CFAP65: variants seen among roughly 807,000 people sequenced by gnomAD.
The protein encoded by CFAP65 is cilia and flagella associated protein 65.
CFAP65 carries 155 observed loss-of-function variants against 208.0 expected under a neutral mutation model. The ratio of observed to expected loss-of-function variants is 0.75; its 90% confidence interval spans 0.65 to 0.85. CFAP65 has a LOEUF of 0.85. Among genes scored for constraint, CFAP65 ranks in the 40% least tolerant of loss-of-function variants. The probability of loss-of-function intolerance (pLI) is 0.00; values close to 1 mark genes in which losing one functional copy is unlikely to be tolerated. For synonymous variants in CFAP65, 970 were observed against 986.3 expected (o/e 0.98, Z 0.31); for missense variants, 2,294 against 2,451.3 (o/e 0.94, Z 1.36).
intron 26 of CFAP65, 34 bp from the exon 27 acceptor site, chr2:219,010,119 A>C (rs760845700): frequency 6.5e-7 from 1 of 1,550,184 alleles, no homozygotes; most frequent in East Asian, 2.3e-5. Flanking sequence ...AGAAATAAGA[A>C]CCGGCCAGGC....
chr2:219,022,636 GC>G (rs1397230704), intron 16 of CFAP65, among the ~76,000 whole-genome samples: 1 of 152,140 alleles, frequency 6.6e-6, no homozygotes, highest in African/African-American at 2.4e-5. Flanking sequence ...AACATTCCAG[GC>G]CAACTCCACA....
chr2:219,010,249 A>C (rs1022983801), intron 26 of CFAP65, among the ~76,000 whole-genome samples, 164 bp from the exon 27 acceptor site: 3 of 151,904 alleles, frequency 2.0e-5, no homozygotes, highest in Non-Finnish European at 4.4e-5. Context: ...CCCCACTCCT[A>C]TGCCATCTCT....
intron 29 of CFAP65, 26 bp downstream of exon 29, chr2:219,009,021 T>C: frequency 6.3e-7 from 1 of 1,576,776 alleles, no homozygotes; most frequent in Non-Finnish European, 8.7e-7. Flanking sequence ...GATCTGGGTG[T>C]TTGAGATCTA....
rs1267185942 is a variant in CFAP65, at chr2:219,004,964, T to G, written c.5051+470A>C. 1.3e-5 allele frequency among the ~76,000 whole-genome samples: 2 copies of G among 149,934 alleles called. No homozygotes were observed. Among genetic ancestry groups the G allele is most frequent in the Non-Finnish European group, 3.0e-5 (2 of 67,682 alleles). On this transcript the variant is annotated intron_variant, in intron 32 of 34. Transcript: ENST00000341552. The surrounding 1 kb of genome is among the most constrained non-coding windows in gnomAD (Gnocchi z 4.7). Reference sequence around the variant, plus strand: ...CTTTCTTTCTTTCTTTCTTTCTCTCTCTTTCTTTCTTTCTCTCTTTCTGTC... The same window carrying G: ...CTTTCTTTCTTTCTTTCTTTCTCTCGCTTTCTTTCTTTCTCTCTTTCTGTC...
chr2:219,026,935 G>A, intron 13 of CFAP65: 5 of 986,324 alleles, frequency 5.1e-6, no homozygotes, highest in African/African-American at 1.7e-5. Context: ...GATCGGACGT[G>A]GTCCCAAGTT....
In CFAP65 at chr2:219,027,749, G is replaced by A. The variant is rs373243856; in HGVS notation, c.2112C>T (p.Asp704=). Residue 704 remains aspartate (D), a synonymous_variant, in exon 13 of 35, where the codon GAC becomes GAT. Coordinates refer to ENST00000341552, the MANE Select transcript of CFAP65 (RefSeq NM_194302.4). ...TGGCCATGGACTTGAGTGGGGGCAC[G>A]TCGCAGCTCTCTGGAGTCACCCAGA... The part of the protein sequence containing the change: ...CPFWVTPESC[D]VPPLKSMAMR... The A allele has an allele frequency of 1.1e-5, 17 of 1,614,102 alleles. No individual in the cohort carries two copies. In the South Asian group the frequency reaches 1.1e-4, roughly 10 times the overall value.
At chr2:219,017,579 C>T (rs926067284) in intron 21 of CFAP65, among the ~76,000 whole-genome samples, 1 of 152,270 alleles carries the variant, frequency 6.6e-6, no homozygotes, top group Admixed American at 6.5e-5. Context: ...GGAAGAGGCA[C>T]GGACTGCCTT....
In CFAP65 at chr2:219,004,838, G is replaced by A. The variant is rs1200630517; in HGVS notation, c.5052-383C>T. ...TCCTGGGGTGGGGGGGCCGGGGGGGGGGACCGTGGTGGGATCTTGCAAAGA... is the reference window on the plus strand; with the variant it reads ...TCCTGGGGTGGGGGGGCCGGGGGGGAGGACCGTGGTGGGATCTTGCAAAGA... On this transcript the variant is annotated intron_variant, in intron 32 of 34. Transcript: ENST00000341552. The surrounding 1 kb of genome is among the most constrained non-coding windows in gnomAD (Gnocchi z 4.7). Among the ~76,000 whole-genome samples the A allele has an allele frequency of 1.4e-5, 2 of 143,312 alleles. No homozygotes were observed. The highest frequency in any genetic ancestry group is 3.1e-5 in the Non-Finnish European group (2 of 64,574). 94.0% of individuals were successfully genotyped at this position (143,312 alleles called of 152,430 possible).
rs1574584220 is a variant in CFAP65, at chr2:219,019,777, G to T, written c.3260-58C>A. 2.8e-6 allele frequency: 4 copies of T among 1,445,926 alleles called. No homozygotes were observed. In the East Asian group the frequency reaches 9.2e-5, roughly 33 times the overall value. 89.6% of individuals were successfully genotyped at this position (1,445,926 alleles called of 1,614,324 possible). A position where few individuals can be genotyped will look rare whatever the true frequency, so the allele number is the denominator to read the frequency against. ...CTTGCCTCCCACCTTCCCTGGAGGG[G>T]GCATGCAGGCCAAAGGTGCAGGAGT... On this transcript the variant is annotated intron_variant, in intron 19 of 34. Coordinates refer to ENST00000341552, the MANE Select transcript of CFAP65 (RefSeq NM_194302.4).
intron 29 of CFAP65, 110 bp downstream of exon 29, chr2:219,008,937 C>A (rs1436325204): frequency 3.9e-6 from 3 of 764,600 alleles, no homozygotes; most frequent in Non-Finnish European, 4.5e-6. Flanking sequence ...TCTCTTAGGG[C>A]AGGCTGGCTG....
chr2:219,016,289 C>CTTTTTT (rs5838714), intron 21 of CFAP65, among the ~76,000 whole-genome samples: 14 of 85,550 alleles, frequency 1.6e-4, no homozygotes, highest in East Asian at 3.9e-4. Context: ...AGTCTCCCTC[C>CTTTTTT]TTTTTTTTTT....
chr2:219,030,171 T>A lies in CFAP65; in HGVS notation c.1199A>T (p.Glu400Val), dbSNP rs201104642. Reference protein sequence around the residue: ...APFRIEISPDELAEDQAFSCP... With the variant: ...APFRIEISPDVLAEDQAFSCP... The stretch of plus-strand genomic sequence containing the variant: ...TGAGAAGGCCTGGTCTTCGGCCAGT[T>A]CATCCGGGGAAATTTCAATCCTGAA... The change falls in exon 10 of 35, where the codon GAA (glutamate) becomes GTA (valine). Residue 400 changes from glutamate to valine, a missense_variant. Physicochemically the swap from Glu to Val is moderately radical, Grantham distance 121. Coordinates refer to ENST00000341552, the MANE Select transcript of CFAP65 (RefSeq NM_194302.4). The A allele has an allele frequency of 3.1e-4, 502 of 1,614,084 alleles. 5 individuals carry two copies. In the East Asian group the frequency reaches 0.011, roughly 36 times the overall value.
intron 22 of CFAP65, 91 bp downstream of exon 22, chr2:219,013,777 C>G: frequency 1.5e-6 from 2 of 1,292,346 alleles, no homozygotes; most frequent in Non-Finnish European, 2.2e-6. Flanking sequence ...AGGGAATGGC[C>G]ATTTGGGGTG....
chr2:219,022,135 C>A (rs374082414), intron 17 of CFAP65, 36 bp downstream of exon 17: 11 of 1,532,508 alleles, frequency 7.2e-6, no homozygotes, highest in Non-Finnish European at 9.7e-6. Flanking sequence ...CCGGGCCTCT[C>A]CCCCAGCCCC....
At chr2:219,014,727 G>A (rs1336110442) in intron 21 of CFAP65, 1 of 152,590 alleles carries the variant, frequency 6.6e-6, no homozygotes, top group Non-Finnish European at 1.5e-5. Flanking sequence ...GGAAAAGAAA[G>A]TGCCCAACAC....
chr2:219,026,460 A>G (rs1947639204), intron 13 of CFAP65: 1 of 270,174 alleles, frequency 3.7e-6, no homozygotes, highest in African/African-American at 2.2e-5. Flanking sequence ...GCGCTGGCCA[A>G]TAGAAATATC....
At chr2:219,010,361 T>G (rs922725338) in intron 26 of CFAP65, among the ~76,000 whole-genome samples, 185 bp downstream of exon 26, 1 of 152,100 alleles carries the variant, frequency 6.6e-6, no homozygotes, top group African/African-American at 2.4e-5. Flanking sequence ...AGGGTAGACC[T>G]CTCATGGAGC....
At chr2:219,029,930 A>G in intron 10 of CFAP65, 56 bp downstream of exon 10, 1 of 1,535,068 alleles carries the variant, frequency 6.5e-7, no homozygotes, top group Non-Finnish European at 9.0e-7. Context: ...AGCTCTTCAG[A>G]ATCCTCAGCA....
At position 219,014,018 on chromosome 2, in the gene CFAP65, C is replaced by T. The variant is rs774403539; in HGVS notation, c.3629G>A (p.Arg1210Gln). Reference protein sequence around the residue: ...DWAFLLPSDQRIDVELWAEQA... With the variant: ...DWAFLLPSDQQIDVELWAEQA... ...CTCTGCCCAGAGCTCCACGTCAATC[C>T]GCTGGTCACTTGGAAGGAGGAAGGC... is the stretch of plus-strand genomic sequence containing the variant. The change falls in exon 22 of 35, where the codon CGG (arginine) becomes CAG (glutamine). Residue 1210 changes from arginine to glutamine, a missense_variant. Physicochemically the swap from Arg to Gln is conservative, Grantham distance 43. Transcript: ENST00000341552. The T allele has an allele frequency of 2.2e-5, 36 of 1,612,498 alleles. No homozygotes were observed. Among genetic ancestry groups the T allele is most frequent in the East Asian group, 1.8e-4 (8 of 44,840 alleles).
Sources: gnomAD v4.1 joint callset for allele counts (sites outside exome capture counted in the v4.1 genomes callset) on GRCh38, gnomAD v4.1.1 for gene constraint, Gnocchi (gnomAD v3.1) non-coding constraint, MANE v1.5 for transcripts, NCBI Gene and HGNC (gene_info 2026-07-23, HGNC 2026-07-21) for gene names.